LINGO2: variants seen among roughly 807,000 people sequenced by gnomAD.
LINGO2 encodes the protein leucine-rich repeat and immunoglobulin-like domain-containing nogo receptor-interacting protein 2.
Under a neutral mutation model 30.6 loss-of-function variants are expected in LINGO2, and 14 were observed. The observed-to-expected ratio is 0.46, with a 90% CI of 0.30 to 0.72. The LOEUF (loss-of-function observed/expected upper bound fraction) is 0.72. LINGO2 is among the 30% of genes least tolerant of loss of function. LINGO2 has a pLI of 0.07. For synonymous variants in LINGO2, 317 were observed against 288.5 expected (o/e 1.10, Z -1.00); for missense variants, 729 against 751.7 (o/e 0.97, Z 0.35).
the LINGO2 span, among the ~76,000 whole-genome samples, chr9:28,973,879 T>G: frequency 1.3e-5 from 2 of 152,202 alleles, no homozygotes; most frequent in Non-Finnish European, 2.9e-5. Flanking sequence ...AGACCTGTCC[T>G]ACAAGATATG....
At chr9:28,766,255 A>G in the LINGO2 span, among the ~76,000 whole-genome samples, 1 of 152,142 alleles carries the variant, frequency 6.6e-6, no homozygotes. Flanking sequence ...TAGCAATAAA[A>G]CAAATAACCC....
chr9:28,496,956 T>G (rs1819656281), intron 1 of LINGO2, among the ~76,000 whole-genome samples: 1 of 152,174 alleles, frequency 6.6e-6, no homozygotes, highest in Non-Finnish European at 1.5e-5. Flanking sequence ...GGGTTGAAAA[T>G]TCTTTTCTTT....
chr9:28,185,842 T>C (rs1345695088), intron 4 of LINGO2, among the ~76,000 whole-genome samples: 1 of 152,132 alleles, frequency 6.6e-6, no homozygotes, highest in Non-Finnish European at 1.5e-5. Context: ...TCTGCATCTT[T>C]TATACTTTAT....
the LINGO2 span, among the ~76,000 whole-genome samples, chr9:28,728,737 A>G: frequency 2.0e-5 from 3 of 152,132 alleles, no homozygotes; most frequent in African/African-American, 7.2e-5. Context: ...GCAAAAAGAG[A>G]GCAAACAAAG....
At chr9:28,693,803 A>C in the LINGO2 span, among the ~76,000 whole-genome samples, 1 of 152,076 alleles carries the variant, frequency 6.6e-6, no homozygotes, top group Non-Finnish European at 1.5e-5. Context: ...ACATTTATTC[A>C]TTATACTTTT....
the LINGO2 span, among the ~76,000 whole-genome samples, chr9:29,067,179 C>T: frequency 2.6e-5 from 4 of 151,642 alleles, no homozygotes; most frequent in African/African-American, 4.8e-5. Context: ...TATTTCTTAG[C>T]CATTGGATTG....
At chr9:28,984,894 G>A in the LINGO2 span, among the ~76,000 whole-genome samples, 1 of 151,832 alleles carries the variant, frequency 6.6e-6, no homozygotes, top group African/African-American at 2.4e-5. Context: ...TATTCTCCTA[G>A]CAATTTTGAA....
chr9:28,639,193 T>C (rs1179713102), intron 1 of LINGO2, among the ~76,000 whole-genome samples: 1 of 152,190 alleles, frequency 6.6e-6, no homozygotes, highest in Non-Finnish European at 1.5e-5. Context: ...GACAGTTTGT[T>C]ATAATTTCTG....
intron 2 of LINGO2, among the ~76,000 whole-genome samples, chr9:28,439,183 AAT>A (rs1022758024): frequency 2.0e-5 from 3 of 149,766 alleles, no homozygotes; most frequent in African/African-American, 7.3e-5. Context: ...TAGATAATGA[AAT>A]ATAGATATCT....
At chr9:28,337,877 C>T (rs1825641362) in intron 3 of LINGO2, among the ~76,000 whole-genome samples, 1 of 152,120 alleles carries the variant, frequency 6.6e-6, no homozygotes, top group Non-Finnish European at 1.5e-5. Flanking sequence ...GGGTGGGGCC[C>T]TCATGGAGCA....
intron 1 of LINGO2, among the ~76,000 whole-genome samples, chr9:28,476,896 C>A (rs1242782800): frequency 2.0e-5 from 3 of 152,166 alleles, no homozygotes; most frequent in Non-Finnish European, 4.4e-5. Context: ...AAACTGGAAT[C>A]TGCTTTTGGA....
the LINGO2 span, among the ~76,000 whole-genome samples, chr9:29,028,422 G>GA: frequency 1.1e-4 from 9 of 81,456 alleles, no homozygotes; most frequent in East Asian, 3.0e-3. Flanking sequence ...TAGTGTGTGG[G>GA]GGGGGGTGAG....
the LINGO2 span, among the ~76,000 whole-genome samples, chr9:29,163,206 G>A: frequency 6.6e-6 from 1 of 152,162 alleles, no homozygotes; most frequent in Non-Finnish European, 1.5e-5. Flanking sequence ...TGCTGAGGAT[G>A]TAGCTCAGAT....
intron 2 of LINGO2, among the ~76,000 whole-genome samples, chr9:28,431,917 GCT>G (rs1322431597): frequency 1.3e-5 from 2 of 151,844 alleles, no homozygotes; most frequent in Non-Finnish European, 2.9e-5. Context: ...CAAATCTAGT[GCT>G]CTGTTTTTAC....
chr9:29,182,995 A>C, the LINGO2 span, among the ~76,000 whole-genome samples: 1 of 152,226 alleles, frequency 6.6e-6, no homozygotes. Flanking sequence ...CCATGACAGA[A>C]ATATGTGCAA....
intron 1 of LINGO2, among the ~76,000 whole-genome samples, chr9:28,530,841 T>C (rs1821207027): frequency 6.6e-6 from 1 of 151,966 alleles, no homozygotes; most frequent in Admixed American, 6.6e-5. Flanking sequence ...GTATTGAATA[T>C]TAAGTACATA....
At chr9:28,791,035 A>G in the LINGO2 span, among the ~76,000 whole-genome samples, 1 of 152,308 alleles carries the variant, frequency 6.6e-6, no homozygotes, top group East Asian at 1.9e-4. Flanking sequence ...ATTATTTGAG[A>G]AAAAATGTAT....
At chr9:28,968,209 CTT>C in the LINGO2 span, among the ~76,000 whole-genome samples, 1 of 152,110 alleles carries the variant, frequency 6.6e-6, no homozygotes, top group African/African-American at 2.4e-5. Flanking sequence ...TTAAACAGAT[CTT>C]TTAGACTTAC....
At chr9:28,818,506 T>G in the LINGO2 span, among the ~76,000 whole-genome samples, 1 of 152,146 alleles carries the variant, frequency 6.6e-6, no homozygotes, top group Non-Finnish European at 1.5e-5. Flanking sequence ...TGCCTCAGCT[T>G]CCCTGGCAGC....
Sources: gnomAD v4.1 joint callset for allele counts (sites outside exome capture counted in the v4.1 genomes callset) on GRCh38, gnomAD v4.1.1 for gene constraint, MANE v1.5 for transcripts, NCBI Gene and HGNC (gene_info 2026-07-23, HGNC 2026-07-21) for gene names.